The following BIN1 variants were observed in gnomAD, a reference collection of about 807,000 sequenced individuals.
BIN1 encodes the protein myc box-dependent-interacting protein 1.
BIN1 carries 53 observed loss-of-function variants against 82.0 expected under a neutral mutation model. The ratio of observed to expected loss-of-function variants is 0.65; its 90% CI spans 0.52 to 0.81. BIN1 has a LOEUF of 0.81. Ranked by LOEUF, BIN1 falls within the 40% of genes least tolerant of loss-of-function variation. The pLI, the probability that BIN1 is intolerant of heterozygous loss-of-function variation, is 0.00. For missense variants in BIN1, 642 were observed against 784.4 expected, an observed-to-expected ratio of 0.82 and a Z score of 2.17; for synonymous variants, 302 against 328.0, an observed-to-expected ratio of 0.92 and a Z score of 0.86.
intron 1 of BIN1, among the ~76,000 whole-genome samples, chr2:127,094,464 G>A (rs759486053): frequency 1.1e-4 from 16 of 152,184 alleles, no homozygotes; most frequent in Admixed American, 3.9e-4. Flanking sequence ...AAGTCAAAAG[G>A]AGATGAGGAG....
In BIN1 at chr2:127,082,234, C is replaced by T. The variant is rs1287421523; in HGVS notation, c.85-5528G>A. On this transcript the variant is annotated intron_variant, in intron 1 of 18. Coordinates refer to ENST00000316724, the MANE Select transcript of BIN1 (RefSeq NM_139343.3). The surrounding 1 kb of genome is among the most constrained non-coding windows in gnomAD (Gnocchi z 6.1). ...CAATCTTTCCTTGCCCCTCCTCCTCCGTCGTCTCCCACACACAGCTCGGGT... is the reference window on the plus strand; with the variant it reads ...CAATCTTTCCTTGCCCCTCCTCCTCTGTCGTCTCCCACACACAGCTCGGGT... Among the ~76,000 whole-genome samples the T allele has an allele frequency of 6.6e-6, 1 of 152,158 alleles. No individual in the cohort carries two copies. The highest frequency in any genetic ancestry group is 1.5e-5 in the Non-Finnish European group (1 of 68,012).
At chr2:127,076,235 C>G (rs1032233761) in intron 2 of BIN1, among the ~76,000 whole-genome samples, 4 of 152,176 alleles carry the variant, frequency 2.6e-5, no homozygotes, top group African/African-American at 9.7e-5. Flanking sequence ...CCAAATCAAA[C>G]CCAGCCTGCT....
chr2:127,053,974 C>A lies in BIN1; in HGVS notation c.1170G>T (p.Leu390=). The A allele has an allele frequency of 6.4e-7, 1 of 1,551,558 alleles. No individual in the cohort carries two copies. The highest frequency in any genetic ancestry group is 2.4e-5 in the East Asian group (1 of 40,936). ...GGAGGGGGTCAAAGTCCAGGTCCAGCAGACTGGCCTGCTCCGAGAAAGGCC... is the reference window on the plus strand; with the variant it reads ...GGAGGGGGTCAAAGTCCAGGTCCAGAAGACTGGCCTGCTCCGAGAAAGGCC... ...APGPFSEQAS[L]LDLDFDPLPP... Residue 390 remains leucine, a synonymous_variant, in exon 13 of 19, where the codon CTG becomes CTT. Coordinates refer to ENST00000316724, the MANE Select transcript of BIN1 (RefSeq NM_139343.3).
chr2:127,100,345 G>A (rs1680154821), intron 1 of BIN1, among the ~76,000 whole-genome samples: 1 of 152,152 alleles, frequency 6.6e-6, no homozygotes, highest in Non-Finnish European at 1.5e-5. Context: ...AGGGTCTTGG[G>A]GACCAAAGTC....
At chr2:127,069,153 A>G in intron 5 of BIN1, 122 bp from the exon 6 acceptor site, 1 of 892,032 alleles carries the variant, frequency 1.1e-6, no homozygotes, top group Non-Finnish European at 1.8e-6. Flanking sequence ...GGAACCCTTG[A>G]GCCCTTGTTG....
chr2:127,052,510 A>T lies in BIN1; in HGVS notation c.1264-148T>A, dbSNP rs1339509493. ...GGGTACCAGCGGAGCCCGGCCAGCC[A>T]CCCGCCTCCCACATCCTCTCTCCTA... On this transcript the variant is annotated intron_variant, in intron 14 of 18. Coordinates refer to ENST00000316724, the MANE Select transcript of BIN1 (RefSeq NM_139343.3). The T allele has an allele frequency of 2.2e-4, 152 of 687,832 alleles. 2 individuals are homozygous for T. The South Asian group carries it at 2.7e-3, about 12-fold the overall frequency. The allele number at this position is 687,832 out of a possible 1,614,324, so 42.6% of individuals were successfully genotyped here. A position where few individuals can be genotyped will look rare whatever the true frequency, so the allele number is the denominator to read the frequency against.
intron 3 of BIN1, 43 bp downstream of exon 3, chr2:127,070,719 C>T (rs1332152759): frequency 1.4e-5 from 22 of 1,588,674 alleles, no homozygotes; most frequent in Non-Finnish European, 1.7e-5. Flanking sequence ...GCTCTGCACC[C>T]ACCAGCTCTA....
intron 1 of BIN1, among the ~76,000 whole-genome samples, chr2:127,097,152 C>A (rs913191591): frequency 1.1e-4 from 17 of 152,320 alleles, no homozygotes; most frequent in African/African-American, 4.1e-4. Context: ...TCTGACCCAG[C>A]TCTGCAACAA....
chr2:127,071,624 T>C (rs1307366798), intron 2 of BIN1, among the ~76,000 whole-genome samples: 1 of 152,134 alleles, frequency 6.6e-6, no homozygotes, highest in Non-Finnish European at 1.5e-5. Context: ...AACTCCAGGT[T>C]CCAGGAGGGG....
At chr2:127,099,238 T>C (rs1473935119) in intron 1 of BIN1, among the ~76,000 whole-genome samples, 1 of 151,956 alleles carries the variant, frequency 6.6e-6, no homozygotes, top group Non-Finnish European at 1.5e-5. Flanking sequence ...GCTGAGGGGA[T>C]GAGATGCCTT....
chr2:127,070,718 C>A (rs976912932), intron 3 of BIN1, 44 bp downstream of exon 3: 10 of 1,613,904 alleles, frequency 6.2e-6, no homozygotes, highest in Non-Finnish European at 7.6e-6. Context: ...AGCTCTGCAC[C>A]CACCAGCTCT....
chr2:127,066,430 A>C (rs1457541712), intron 7 of BIN1, among the ~76,000 whole-genome samples: 1 of 152,218 alleles, frequency 6.6e-6, no homozygotes, highest in African/African-American at 2.4e-5. Context: ...GGAGCCCAAA[A>C]GCAGTGGGCA....
intron 12 of BIN1, chr2:127,056,496 T>A (rs561590592): frequency 2.6e-5 from 4 of 152,678 alleles, no homozygotes; most frequent in African/African-American, 9.6e-5. Context: ...CTGTTCGCAG[T>A]TCCCAGCGGC....
At chr2:127,060,884 G>A (rs927533187) in intron 10 of BIN1, among the ~76,000 whole-genome samples, 2 of 152,172 alleles carry the variant, frequency 1.3e-5, no homozygotes, top group South Asian at 2.1e-4. Context: ...CAGGAGGCTC[G>A]GGGCAGTGGA....
At position 127,048,443 on chromosome 2, in the gene BIN1, C is replaced by T. The variant is rs1005190372; in HGVS notation, c.*83G>A. 2.0e-5 allele frequency: 28 copies of T among 1,372,328 alleles called. No individual in the cohort carries two copies. The highest frequency in any genetic ancestry group is 2.7e-5 in the Non-Finnish European group (26 of 966,846). 85.0% of individuals were successfully genotyped at this position (1,372,328 alleles called of 1,614,324 possible). On this transcript the variant is annotated 3_prime_UTR_variant, in exon 19 of 19. Coordinates refer to ENST00000316724, the MANE Select transcript of BIN1 (RefSeq NM_139343.3). ...CCTTTGCTCTTCAAAAGATGAAAAA[C>T]GAAAACAAAACAAAAAAAAGAACCA... is the stretch of plus-strand genomic sequence containing the variant.
At chr2:127,073,837 G>C (rs1276232548) in intron 2 of BIN1, among the ~76,000 whole-genome samples, 1 of 152,200 alleles carries the variant, frequency 6.6e-6, no homozygotes, top group Non-Finnish European at 1.5e-5. Flanking sequence ...TGGAGACCCA[G>C]GATGGCTTCC....
rs899155112 is a variant in BIN1, at chr2:127,049,940, A to C, written c.1674+481T>G. ...CTGGGAAGCCCATGGCCCTGCGTGC[A>C]CAGGGCAGGGCCCGCCTCGAGGGAC... is the stretch of plus-strand genomic sequence containing the variant. On this transcript the variant is annotated intron_variant, in intron 18 of 18. Transcript: ENST00000316724. Among the ~76,000 whole-genome samples the C allele has an allele frequency of 5.9e-5, 9 of 152,356 alleles. No homozygotes were observed. The East Asian group carries it at 1.7e-3, about 29-fold the overall frequency.
chr2:127,092,443 G>A (rs2105284278), intron 1 of BIN1, among the ~76,000 whole-genome samples: 1 of 152,300 alleles, frequency 6.6e-6, no homozygotes, highest in South Asian at 2.1e-4. Context: ...TTAGAGGGAG[G>A]TAACAGGAGC....
In BIN1 at chr2:127,093,613, C is replaced by T. The variant is rs1290176042; in HGVS notation, c.84+13247G>A. The stretch of plus-strand genomic sequence containing the variant: ...CATATGTCTACACGGCTGTCCATTC[C>T]TCACCAACTTATGTCTGAAAACAGA... On this transcript the variant is annotated intron_variant, in intron 1 of 18. Coordinates refer to ENST00000316724, the MANE Select transcript of BIN1 (RefSeq NM_139343.3). This position sits in a 1 kb window ranked among gnomAD's most constrained non-coding sequence, Gnocchi z 5.7. Among the ~76,000 whole-genome samples, 1 of 152,230 alleles carries T rather than the reference C, an allele frequency of 6.6e-6. No individual in the cohort carries two copies. The highest frequency in any genetic ancestry group is 1.5e-5 in the Non-Finnish European group (1 of 68,042).
Sources: gnomAD v4.1 joint callset for allele counts (sites outside exome capture counted in the v4.1 genomes callset) on GRCh38, gnomAD v4.1.1 for gene constraint, Gnocchi (gnomAD v3.1) non-coding constraint, MANE v1.5 for transcripts, NCBI Gene and HGNC (gene_info 2026-07-23, HGNC 2026-07-21) for gene names.